UNC5D: variants seen among roughly 807,000 people sequenced by gnomAD.
UNC5D encodes the protein netrin receptor UNC5D.
A neutral mutation model predicts 105.4 loss-of-function variants in UNC5D; 39 were observed. The ratio of observed to expected loss-of-function variants is 0.37; its 90% CI spans 0.29 to 0.48. The LOEUF is 0.48. Among genes scored for constraint, UNC5D ranks in the 20% least tolerant of loss-of-function variants. The pLI is 0.98. For synonymous variants in UNC5D, 452 were observed against 450.4 expected, an observed-to-expected ratio of 1.00 and a Z score of -0.04; for missense variants, 991 against 1,202.4, an observed-to-expected ratio of 0.82 and a Z score of 2.60.
chr8:35,704,189 A>T (rs1292764766), intron 7 of UNC5D, among the ~76,000 whole-genome samples: 1 of 148,786 alleles, frequency 6.7e-6, no homozygotes. Context: ...TTTCTATTTT[A>T]AAAAAATAGT....
rs927899697 is a variant in UNC5D at position 35,339,703 on chromosome 8, A to G, written c.103+103816A>G. Among the ~76,000 whole-genome samples, 3 of 152,208 alleles carry G rather than the reference A, an allele frequency of 2.0e-5. No individual in the cohort carries two copies. In the South Asian group the frequency reaches 6.2e-4, roughly 32 times the overall value. On this transcript the variant is annotated intron_variant, in intron 1 of 16. Transcript: ENST00000404895. The stretch of plus-strand genomic sequence containing the variant: ...TAACTGAATCCAGGTTCCAATGCTC[A>G]GCTCTCAAAAGCAAGAACTCCAGAG...
intron 1 of UNC5D, among the ~76,000 whole-genome samples, chr8:35,513,577 A>G (rs999602587): frequency 6.6e-6 from 1 of 151,944 alleles, no homozygotes; most frequent in African/African-American, 2.4e-5. Flanking sequence ...CTCTCATCCA[A>G]CATTCCTAGT....
intron 1 of UNC5D, among the ~76,000 whole-genome samples, chr8:35,341,874 G>A (rs747386533): frequency 1.3e-5 from 2 of 152,026 alleles, no homozygotes; most frequent in Non-Finnish European, 2.9e-5. Context: ...ATAACCATGC[G>A]GTTCTTTTTG....
intron 1 of UNC5D, among the ~76,000 whole-genome samples, chr8:35,385,450 C>A (rs1803324984): frequency 6.9e-6 from 1 of 144,120 alleles, no homozygotes; most frequent in African/African-American, 2.6e-5. Flanking sequence ...CTTCACATCC[C>A]TCTACCTACC....
chr8:35,510,103 C>A (rs1812595923), intron 1 of UNC5D, among the ~76,000 whole-genome samples: 1 of 151,966 alleles, frequency 6.6e-6, no homozygotes, highest in Non-Finnish European at 1.5e-5. Context: ...ATGGAAACTT[C>A]ATTACTAGGC....
chr8:35,354,971 G>A (rs1246502836), intron 1 of UNC5D, among the ~76,000 whole-genome samples: 1 of 152,132 alleles, frequency 6.6e-6, no homozygotes, highest in Non-Finnish European at 1.5e-5. Flanking sequence ...GGGTAGTCAT[G>A]CTTCTTTTAT....
chr8:35,289,531 C>T (rs943718276), intron 1 of UNC5D, among the ~76,000 whole-genome samples: 4 of 152,064 alleles, frequency 2.6e-5, no homozygotes, highest in African/African-American at 9.7e-5. Flanking sequence ...ACATTCCATC[C>T]AACAATGGTA....
At chr8:35,236,025 C>A in intron 1 of UNC5D, 138 bp downstream of exon 1, 1 of 733,774 alleles carries the variant, frequency 1.4e-6, no homozygotes, top group Non-Finnish European at 1.9e-6. Flanking sequence ...CGGATGGGAG[C>A]CGAGTGGAGG....
At chr8:35,248,695 A>T (rs188220799) in intron 1 of UNC5D, among the ~76,000 whole-genome samples, 2 of 97,848 alleles carry the variant, frequency 2.0e-5, no homozygotes, top group African/African-American at 9.7e-5. Flanking sequence ...TATAAAATAT[A>T]TAAAAATATA....
At chr8:35,512,215 T>C (rs1281135084) in intron 1 of UNC5D, among the ~76,000 whole-genome samples, 6 of 151,640 alleles carry the variant, frequency 4.0e-5, no homozygotes, top group African/African-American at 7.3e-5. Context: ...CATATACTAA[T>C]GCAAGTAAGG....
chr8:35,599,363 A>G (rs2918976), intron 4 of UNC5D, among the ~76,000 whole-genome samples: 13,905 of 152,132 alleles, frequency 0.091, 660 homozygotes, highest in Middle Eastern at 0.11. Flanking sequence ...AGTAGATTTT[A>G]AGTGTTTGCA....
At chr8:35,326,556 A>G (rs753313269) in intron 1 of UNC5D, among the ~76,000 whole-genome samples, 3 of 152,142 alleles carry the variant, frequency 2.0e-5, no homozygotes, top group Non-Finnish European at 4.4e-5. Flanking sequence ...GGAGTTAGAG[A>G]CTAGCCTGGG....
At chr8:35,539,417 C>T (rs1236580319) in intron 1 of UNC5D, among the ~76,000 whole-genome samples, 2 of 151,962 alleles carry the variant, frequency 1.3e-5, no homozygotes, top group African/African-American at 4.8e-5. Context: ...AGATACTTTC[C>T]AAGATTTTAG....
chr8:35,526,652 T>G (rs924161887), intron 1 of UNC5D, among the ~76,000 whole-genome samples: 4 of 152,184 alleles, frequency 2.6e-5, no homozygotes, highest in South Asian at 2.1e-4. Context: ...TATTGAGAGA[T>G]AAAGAGTTCA....
chr8:35,589,356 G>A (rs1819005719), intron 3 of UNC5D, among the ~76,000 whole-genome samples: 1 of 150,176 alleles, frequency 6.7e-6, no homozygotes. Context: ...CATTATAAAT[G>A]ATTATTTGAG....
intron 4 of UNC5D, among the ~76,000 whole-genome samples, chr8:35,613,203 G>A (rs1448359584): frequency 8.5e-5 from 13 of 152,190 alleles, no homozygotes; most frequent in Admixed American, 8.5e-4. Context: ...TCAGCCTCCT[G>A]AGTAGTTAGG....
chr8:35,252,270 A>G (rs2128812733), intron 1 of UNC5D, among the ~76,000 whole-genome samples: 1 of 152,208 alleles, frequency 6.6e-6, no homozygotes, highest in Non-Finnish European at 1.5e-5. Context: ...ATAGTTTTTA[A>G]AAAGTATCAG....
intron 4 of UNC5D, among the ~76,000 whole-genome samples, chr8:35,634,659 G>T (rs1047406276): frequency 6.6e-6 from 1 of 152,094 alleles, no homozygotes; most frequent in Non-Finnish European, 1.5e-5. Context: ...CAGACAATGG[G>T]ATGGCACATA....
chr8:35,392,791 T>C (rs1025464472), intron 1 of UNC5D, among the ~76,000 whole-genome samples: 7 of 152,176 alleles, frequency 4.6e-5, no homozygotes, highest in Non-Finnish European at 1.0e-4. Context: ...AAGATGGATT[T>C]CACAGAAATT....
Sources: gnomAD v4.1 joint callset for allele counts (sites outside exome capture counted in the v4.1 genomes callset) on GRCh38, gnomAD v4.1.1 for gene constraint, MANE v1.5 for transcripts, NCBI Gene and HGNC (gene_info 2026-07-23, HGNC 2026-07-21) for gene names.